Variants in RPS6KC1 observed in about 807,000 individuals in gnomAD.
RPS6KC1 encodes the protein inactive ribosomal protein S6 kinase delta-1.
RPS6KC1 carries 54 observed loss-of-function variants against 103.8 expected under a neutral mutation model. That is an observed-to-expected ratio of 0.52 (90% CI 0.42 to 0.65). The LOEUF (loss-of-function observed/expected upper bound fraction) is 0.65, where lower values mean the gene tolerates loss of function less well. Ranked by LOEUF, RPS6KC1 falls within the 30% of genes least tolerant of loss-of-function variation. The pLI is 0.00. For synonymous variants in RPS6KC1, 439 were observed against 438.7 expected, an observed-to-expected ratio of 1.00 and a Z score of -0.01; for missense variants, 1,151 against 1,253.8, an observed-to-expected ratio of 0.92 and a Z score of 1.24.
chr1:213,521,164 G>A, the RPS6KC1 span, among the ~76,000 whole-genome samples: 2 of 152,022 alleles, frequency 1.3e-5, no homozygotes, highest in East Asian at 3.9e-4. Flanking sequence ...AATACTACAG[G>A]CATACCTTGG....
chr1:213,485,010 A>G, the RPS6KC1 span, among the ~76,000 whole-genome samples: 2 of 152,002 alleles, frequency 1.3e-5, no homozygotes, highest in African/African-American at 4.8e-5. Flanking sequence ...CTATAGGCAC[A>G]CACCACCATG....
the RPS6KC1 span, among the ~76,000 whole-genome samples, chr1:213,722,817 G>A: frequency 1.3e-5 from 2 of 152,198 alleles, no homozygotes; most frequent in African/African-American, 4.8e-5. Flanking sequence ...AAAGAGAAGA[G>A]TTATGACTAG....
chr1:213,733,549 T>A, the RPS6KC1 span, among the ~76,000 whole-genome samples: 2 of 138,058 alleles, frequency 1.4e-5, no homozygotes, highest in African/African-American at 2.9e-5. Context: ...TTTTAGTTTG[T>A]TTTTTTTTTT....
chr1:213,503,910 T>C, the RPS6KC1 span, among the ~76,000 whole-genome samples: 1 of 152,116 alleles, frequency 6.6e-6, no homozygotes, highest in African/African-American at 2.4e-5. Context: ...GCTGTAGAAA[T>C]AAATGTATCA....
the RPS6KC1 span, among the ~76,000 whole-genome samples, chr1:213,590,528 G>A: frequency 2.0e-5 from 3 of 152,166 alleles, no homozygotes; most frequent in Non-Finnish European, 2.9e-5. Flanking sequence ...AAGCTGCGAG[G>A]CAATCTCAGC....
the RPS6KC1 span, among the ~76,000 whole-genome samples, chr1:213,848,547 C>T: frequency 2.0e-5 from 3 of 151,940 alleles, no homozygotes; most frequent in African/African-American, 7.3e-5. Context: ...TGTGTATACA[C>T]ATATAGACAC....
At chr1:213,489,252 G>A in the RPS6KC1 span, among the ~76,000 whole-genome samples, 1 of 152,316 alleles carries the variant, frequency 6.6e-6, no homozygotes, top group Admixed American at 6.5e-5. Context: ...AGAATTTTGA[G>A]CGTCTTTCTG....
chr1:213,208,435 T>C (rs1027370937), intron 8 of RPS6KC1, among the ~76,000 whole-genome samples: 2 of 152,208 alleles, frequency 1.3e-5, no homozygotes, highest in Non-Finnish European at 2.9e-5. Context: ...TTTTTGTCCC[T>C]GGTGTTCTAT....
In RPS6KC1 at chr1:213,104,492, T is replaced by C. The variant is rs779290829; in HGVS notation, c.301T>C (p.Cys101Arg). The C allele has an allele frequency of 3.1e-6, 5 of 1,612,588 alleles. No individual in the cohort carries two copies. The highest frequency in any genetic ancestry group is 2.7e-5 in the African/African-American group (2 of 74,984). The change falls in exon 4 of 15, where the codon TGT becomes CGT. Residue 101 changes from cysteine (C) to arginine (R), a missense_variant. By Grantham distance (180) the Cys-to-Arg change is radical. Transcript: ENST00000366960. The part of the protein sequence containing the change: ...DETVIEERRQ[C>R]AEDLLQFSAN... ...AACTGTTATCGAAGAGAGAAGACAA[T>C]GTGCTGAAGACCTGCTACAGTTCTC...
chr1:213,716,992 G>T, the RPS6KC1 span, among the ~76,000 whole-genome samples: 4 of 152,174 alleles, frequency 2.6e-5, no homozygotes, highest in Admixed American at 6.5e-5. Context: ...AAAATTTATA[G>T]GCTCAGAATC....
At chr1:213,444,356 A>G in the RPS6KC1 span, among the ~76,000 whole-genome samples, 2 of 151,198 alleles carry the variant, frequency 1.3e-5, no homozygotes, top group African/African-American at 4.9e-5. Context: ...AACTCATCAC[A>G]CTCTCTTTGG....
chr1:213,764,954 AG>A, the RPS6KC1 span, among the ~76,000 whole-genome samples: 1 of 152,172 alleles, frequency 6.6e-6, no homozygotes, highest in Non-Finnish European at 1.5e-5. Flanking sequence ...TATAGGGGGC[AG>A]GGGTGGGGTG....
intron 3 of RPS6KC1, among the ~76,000 whole-genome samples, chr1:213,080,513 A>T (rs560787085): frequency 6.6e-6 from 1 of 152,320 alleles, no homozygotes; most frequent in East Asian, 1.9e-4. Flanking sequence ...TTTAATAGTC[A>T]TAATTAAGCT....
chr1:213,843,025 C>G, the RPS6KC1 span, among the ~76,000 whole-genome samples: 1 of 152,120 alleles, frequency 6.6e-6, no homozygotes, highest in Non-Finnish European at 1.5e-5. Context: ...GGACAAGAGG[C>G]TGGAAATTCA....
the RPS6KC1 span, among the ~76,000 whole-genome samples, chr1:213,315,021 A>C: frequency 1.3e-5 from 2 of 152,214 alleles, no homozygotes; most frequent in Non-Finnish European, 2.9e-5. Flanking sequence ...CCGTAATTCA[A>C]CCAGGAAAAT....
intron 10 of RPS6KC1, among the ~76,000 whole-genome samples, chr1:213,237,858 A>AT (rs2094258598): frequency 6.6e-6 from 1 of 152,058 alleles, no homozygotes; most frequent in Admixed American, 6.6e-5. Context: ...AATTAGACAA[A>AT]TTTTATGTAC....
At chr1:213,835,995 T>C in the RPS6KC1 span, 1 of 152,210 alleles carries the variant, frequency 6.6e-6, no homozygotes, top group African/African-American at 2.4e-5. Flanking sequence ...GATTGCATTA[T>C]ATTTATAAAA....
the RPS6KC1 span, among the ~76,000 whole-genome samples, chr1:213,289,640 G>A: frequency 6.6e-6 from 1 of 152,172 alleles, no homozygotes; most frequent in Admixed American, 6.5e-5. Context: ...TTCAGAAAAA[G>A]GGACATTTCA....
At chr1:213,570,384 C>T in the RPS6KC1 span, among the ~76,000 whole-genome samples, 1 of 152,132 alleles carries the variant, frequency 6.6e-6, no homozygotes, top group Non-Finnish European at 1.5e-5. Flanking sequence ...GATAAGAAGA[C>T]CAAAGCTCTG....
Sources: gnomAD v4.1 joint callset for allele counts (sites outside exome capture counted in the v4.1 genomes callset) on GRCh38, gnomAD v4.1.1 for gene constraint, MANE v1.5 for transcripts, NCBI Gene and HGNC (gene_info 2026-07-23, HGNC 2026-07-21) for gene names.